The following PLD5 variants were observed in gnomAD, a reference collection of about 807,000 sequenced individuals.
PLD5 encodes inactive phospholipase D5.
Under a neutral mutation model 61.1 loss-of-function variants are expected in PLD5, and 36 were observed. The observed-to-expected ratio is 0.59, with a 90% CI of 0.45 to 0.78. The LOEUF (loss-of-function observed/expected upper bound fraction) is 0.78. PLD5 is among the 30% of genes least tolerant of loss of function. PLD5 has a pLI of 0.00. For missense variants in PLD5, 515 were observed against 644.4 expected (o/e 0.80, Z 2.17); for synonymous variants, 243 against 242.8 (o/e 1.00, Z -0.01).
chr1:242,097,078 C>T (rs1187252903), intron 9 of PLD5, among the ~76,000 whole-genome samples: 2 of 152,154 alleles, frequency 1.3e-5, no homozygotes. Context: ...AGGACATGAA[C>T]TCATCATTTT....
rs115340225 is a variant in PLD5 at position 242,313,016 on chromosome 1, G to A, written c.327-24486C>T. On this transcript the variant is annotated intron_variant, in intron 2 of 9. Coordinates refer to ENST00000536534, the MANE Select transcript of PLD5 (RefSeq NM_001372062.1). ...ATGTCCTCATCACATATCTTCTTAA[G>A]CTTCTTCCTTATCGTACCCACTACA... Among the ~76,000 whole-genome samples the A allele has an allele frequency of 9.5e-3, 1,444 of 152,174 alleles. 23 individuals are homozygous for A. The highest frequency in any genetic ancestry group is 0.033 in the African/African-American group (1,380 of 41,498).
intron 1 of PLD5, among the ~76,000 whole-genome samples, chr1:242,388,723 G>A (rs1572034948): frequency 2.0e-5 from 3 of 152,250 alleles, no homozygotes; most frequent in Middle Eastern, 3.4e-3. Flanking sequence ...TTGGGAGGCC[G>A]TGGTGGGTGG....
In PLD5 at chr1:242,261,987, A is replaced by T. The variant is rs565027884; in HGVS notation, c.607+3350T>A. ...TCCCAATCCTAAGTTCATACTGAAC[A>T]GAAATGTATATGTGTAGGCATCTGA... is the stretch of plus-strand genomic sequence containing the variant. On this transcript the variant is annotated intron_variant, in intron 4 of 9. Coordinates refer to ENST00000536534, the MANE Select transcript of PLD5 (RefSeq NM_001372062.1). 5.9e-5 allele frequency among the ~76,000 whole-genome samples: 9 copies of T among 152,360 alleles called. No homozygotes were observed. The South Asian group carries it at 1.4e-3, about 25-fold the overall frequency.
At position 242,185,749 on chromosome 1, in the gene PLD5, A is replaced by C. The variant is rs554611808; in HGVS notation, c.735+34239T>G. 1.4e-4 allele frequency among the ~76,000 whole-genome samples: 22 copies of C among 152,312 alleles called. 1 individual carries two copies. In the South Asian group the frequency reaches 4.6e-3, roughly 32 times the overall value. On this transcript the variant is annotated intron_variant, in intron 5 of 9. Coordinates refer to ENST00000536534, the MANE Select transcript of PLD5 (RefSeq NM_001372062.1). Reference sequence around the variant, plus strand: ...GGCTACATCATTGAAATAGAATGAAAAGAATAAACCTCTCTGCTATTTTTT... The same window carrying C: ...GGCTACATCATTGAAATAGAATGAACAGAATAAACCTCTCTGCTATTTTTT...
At chr1:242,213,409 C>T (rs1183385217) in intron 5 of PLD5, among the ~76,000 whole-genome samples, 3 of 152,018 alleles carry the variant, frequency 2.0e-5, no homozygotes, top group Non-Finnish European at 4.4e-5. Flanking sequence ...GCTTTTAAAT[C>T]GACATACCTC....
At chr1:242,483,342 C>T (rs1264975954) in intron 1 of PLD5, among the ~76,000 whole-genome samples, 1 of 151,690 alleles carries the variant, frequency 6.6e-6, no homozygotes. Flanking sequence ...CACATAGGCT[C>T]AAAATAAAGG....
chr1:242,232,120 T>A (rs542403126), intron 4 of PLD5, among the ~76,000 whole-genome samples: 1 of 152,174 alleles, frequency 6.6e-6, no homozygotes, highest in South Asian at 2.1e-4. Flanking sequence ...CGTTTTAAAA[T>A]TTTAAAGCCC....
At chr1:242,442,129 G>T (rs1056690250) in intron 1 of PLD5, among the ~76,000 whole-genome samples, 2 of 152,122 alleles carry the variant, frequency 1.3e-5, no homozygotes, top group Non-Finnish European at 2.9e-5. Context: ...GCATGGACTC[G>T]GTTGCCCAGT....
intron 5 of PLD5, among the ~76,000 whole-genome samples, chr1:242,164,560 T>C (rs990612790): frequency 6.6e-6 from 1 of 152,150 alleles, no homozygotes; most frequent in African/African-American, 2.4e-5. Context: ...GGTTTTGAAA[T>C]GCAATAATGT....
rs969027217 is a variant in PLD5 at position 242,524,315 on chromosome 1, C to T, written c.-39G>A. On this transcript the variant is annotated 5_prime_UTR_variant, in exon 1 of 10. Coordinates refer to ENST00000536534, the MANE Select transcript of PLD5 (RefSeq NM_001372062.1). ...GGCGGCCGCCGGCGAGCAGCGGACT[C>T]GGGACGGGCGCGCGGGGAGCCGGGC... The T allele has an allele frequency of 3.1e-5, 42 of 1,366,538 alleles. No homozygotes were observed. In the African/African-American group the frequency reaches 5.4e-4, roughly 18 times the overall value. 84.7% of individuals were successfully genotyped at this position (1,366,538 alleles called of 1,614,324 possible). A position where few individuals can be genotyped will look rare whatever the true frequency, so the allele number is the denominator to read the frequency against.
chr1:242,116,920 A>G (rs1661988856), intron 6 of PLD5, among the ~76,000 whole-genome samples: 1 of 152,116 alleles, frequency 6.6e-6, no homozygotes, highest in Non-Finnish European at 1.5e-5. Flanking sequence ...CAGATACTCC[A>G]TCTGTCACCA....
At chr1:242,091,793 A>G (rs1241503395) in intron 9 of PLD5, among the ~76,000 whole-genome samples, 1 of 150,896 alleles carries the variant, frequency 6.6e-6, no homozygotes, top group Non-Finnish European at 1.5e-5. Context: ...TCTGTAGCTG[A>G]GTAGCTTTAT....
intron 1 of PLD5, among the ~76,000 whole-genome samples, chr1:242,468,843 G>T (rs956224665): frequency 6.6e-6 from 1 of 152,032 alleles, no homozygotes; most frequent in Admixed American, 6.6e-5. Context: ...CATGCTCCAC[G>T]TGGTTTACAC....
intron 2 of PLD5, among the ~76,000 whole-genome samples, chr1:242,291,566 G>A (rs954606719): frequency 3.9e-5 from 6 of 152,108 alleles, no homozygotes; most frequent in Non-Finnish European, 8.8e-5. Context: ...CAGCACTTTG[G>A]GAGGCCGAGG....
intron 1 of PLD5, among the ~76,000 whole-genome samples, chr1:242,451,633 G>A (rs941988895): frequency 6.6e-6 from 1 of 151,238 alleles, no homozygotes; most frequent in Non-Finnish European, 1.5e-5. Flanking sequence ...CTAATTTTTT[G>A]TATTTTCGTA....
intron 5 of PLD5, among the ~76,000 whole-genome samples, chr1:242,157,997 G>A (rs943077345): frequency 9.4e-5 from 14 of 148,950 alleles, no homozygotes; most frequent in African/African-American, 3.6e-4. Context: ...TTTTTTCAGA[G>A]ATGCCCTTCC....
chr1:242,395,366 G>A, intron 1 of PLD5, among the ~76,000 whole-genome samples: 1 of 151,972 alleles, frequency 6.6e-6, no homozygotes. Flanking sequence ...ATTGCTTCTT[G>A]CCTGAGTACC....
intron 2 of PLD5, among the ~76,000 whole-genome samples, chr1:242,325,188 G>T (rs1658670979): frequency 6.6e-6 from 1 of 151,866 alleles, no homozygotes; most frequent in Non-Finnish European, 1.5e-5. Context: ...CCAGAAAGTG[G>T]TCCTATGTCA....
chr1:242,250,488 T>C (rs1489447404), intron 4 of PLD5, among the ~76,000 whole-genome samples: 1 of 152,148 alleles, frequency 6.6e-6, no homozygotes, highest in Non-Finnish European at 1.5e-5. Flanking sequence ...GGAATGTCTC[T>C]GCTGCCATTT....
Sources: allele counts gnomAD v4.1 joint callset (sites outside exome capture counted in the v4.1 genomes callset), GRCh38; gene constraint gnomAD v4.1.1; transcripts MANE v1.5; gene names NCBI Gene and HGNC (gene_info 2026-07-23, HGNC 2026-07-21).